Variants in BCR observed in about 807,000 individuals in gnomAD.
The protein encoded by BCR is breakpoint cluster region protein.
A neutral mutation model predicts 138.6 loss-of-function variants in BCR; 58 were observed. The ratio of observed to expected loss-of-function variants is 0.42; its 90% CI spans 0.34 to 0.52. BCR has a LOEUF of 0.52. Among genes scored for constraint, BCR ranks in the 20% least tolerant of loss-of-function variants. BCR has a pLI of 0.06. For synonymous variants in BCR, 786 were observed against 730.1 expected, an observed-to-expected ratio of 1.08 and a Z score of -1.23; for missense variants, 1,599 against 1,727.2, an observed-to-expected ratio of 0.93 and a Z score of 1.32.
At chr22:23,292,211 G>A (rs2073795801) in intron 14 of BCR, among the ~76,000 whole-genome samples, 1 of 152,174 alleles carries the variant, frequency 6.6e-6, no homozygotes, top group African/African-American at 2.4e-5. Context: ...ACAATGGCGT[G>A]TACACCTCTC....
Position 23,204,544 on chromosome 22 carries a change from G to T in BCR, c.1279+22305G>T, listed in dbSNP as rs139348096. On this transcript the variant is annotated intron_variant, in intron 1 of 22. Coordinates refer to ENST00000305877, the MANE Select transcript of BCR (RefSeq NM_004327.4). ...AATCCCTCTTGGTGGATGTCCCAAAGCAGCCTTCCTGTAGGATCCTGGTTG... is the reference window on the plus strand; with the variant it reads ...AATCCCTCTTGGTGGATGTCCCAAATCAGCCTTCCTGTAGGATCCTGGTTG... 3.7e-3 allele frequency among the ~76,000 whole-genome samples: 558 copies of T among 152,324 alleles called. 7 individuals are homozygous for T. The highest frequency in any genetic ancestry group is 0.013 in the African/African-American group (529 of 41,574).
chr22:23,246,526 C>T (rs1047758107), intron 1 of BCR, among the ~76,000 whole-genome samples: 2 of 152,074 alleles, frequency 1.3e-5, no homozygotes, highest in South Asian at 2.1e-4. Context: ...GTTGCTAAGT[C>T]GTAAGGTTAT....
At chr22:23,242,773 C>T (rs2073108290) in intron 1 of BCR, 1 of 430,600 alleles carries the variant, frequency 2.3e-6, no homozygotes, top group Non-Finnish European at 4.7e-6. Flanking sequence ...AACAGAATGC[C>T]ACAAGCTTAG....
chr22:23,296,612 C>T (rs1428496018), intron 16 of BCR, among the ~76,000 whole-genome samples: 1 of 152,160 alleles, frequency 6.6e-6, no homozygotes, highest in African/African-American at 2.4e-5. Flanking sequence ...AACTCAGTGG[C>T]TCAGAGCCTC....
At chr22:23,221,945 G>C (rs969908762) in intron 1 of BCR, among the ~76,000 whole-genome samples, 35 of 151,808 alleles carry the variant, frequency 2.3e-4, no homozygotes, top group Non-Finnish European at 1.8e-4. Flanking sequence ...CAAAAAATTA[G>C]CTGGGCGTGG....
intron 1 of BCR, among the ~76,000 whole-genome samples, chr22:23,224,881 C>G (rs1046307917): frequency 7.9e-5 from 12 of 152,028 alleles, no homozygotes; most frequent in African/African-American, 2.9e-4. Context: ...GACTCCATCC[C>G]CCCCAAAAAA....
chr22:23,277,659 G>A (rs1015086953), intron 8 of BCR, among the ~76,000 whole-genome samples: 10 of 152,148 alleles, frequency 6.6e-5, no homozygotes, highest in Admixed American at 5.9e-4. Flanking sequence ...CCTGGGAGGT[G>A]GCCCATTGCT....
At chr22:23,277,733 C>T (rs2073595385) in intron 8 of BCR, among the ~76,000 whole-genome samples, 1 of 152,192 alleles carries the variant, frequency 6.6e-6, no homozygotes. Context: ...TCTGCAGGGT[C>T]AGCCACCCCA....
rs148680394 is a variant in BCR at position 23,301,108 on chromosome 22, G to A, written c.3012+5953G>A. ...CATTTGACATCAGGAGTTCAAGACC[G>A]GCCTGACCAACATGGTGAAACCCCG... On this transcript the variant is annotated intron_variant, in intron 16 of 22. Coordinates refer to ENST00000305877, the MANE Select transcript of BCR (RefSeq NM_004327.4). Among the ~76,000 whole-genome samples, 1,190 of 152,252 alleles carry A rather than the reference G, an allele frequency of 7.8e-3. 18 individuals carry two copies. Among genetic ancestry groups the A allele is most frequent in the African/African-American group, 0.027 (1,123 of 41,534 alleles).
chr22:23,301,421 G>A (rs1164327767), intron 16 of BCR, among the ~76,000 whole-genome samples: 2 of 152,268 alleles, frequency 1.3e-5, no homozygotes, highest in Non-Finnish European at 1.5e-5. Context: ...CACTGGGACT[G>A]TGTCTCAGGG....
intron 8 of BCR, 48 bp from the exon 9 acceptor site, chr22:23,283,929 C>A (rs763747418): frequency 6.6e-7 from 1 of 1,524,130 alleles, no homozygotes; most frequent in Non-Finnish European, 8.8e-7. Context: ...ACACCCCCCA[C>A]CCATCACCCC....
chr22:23,215,289 G>A (rs992289694), intron 1 of BCR, among the ~76,000 whole-genome samples: 1 of 152,164 alleles, frequency 6.6e-6, no homozygotes, highest in Non-Finnish European at 1.5e-5. Flanking sequence ...CTGTGAACAC[G>A]GGTATACATG....
At chr22:23,280,778 A>G (rs1286146484) in intron 8 of BCR, among the ~76,000 whole-genome samples, 1 of 152,188 alleles carries the variant, frequency 6.6e-6, no homozygotes, top group East Asian at 1.9e-4. Context: ...GTTTCTTCCA[A>G]CTGGTGTTTC....
rs2073353650 is a variant in BCR, at chr22:23,261,338, CT to C, written c.1567-15del. 6.2e-7 allele frequency: 1 copy of C among 1,607,650 alleles called. No homozygotes were observed. Among genetic ancestry groups the C allele is most frequent in the Non-Finnish European group, 8.5e-7 (1 of 1,176,292 alleles). The stretch of plus-strand genomic sequence containing the variant: ...AGCCCCTCTCACCTGTGCTACCTCA[CT>C]TGTGCCCTCTTCCAGCCCATGAAGC... On this transcript the variant is annotated splice_polypyrimidine_tract_variant and intron_variant, in intron 3 of 22. Transcript: ENST00000305877.
intron 16 of BCR, among the ~76,000 whole-genome samples, chr22:23,295,807 A>C (rs1324033101): frequency 6.6e-6 from 1 of 152,130 alleles, no homozygotes; most frequent in Non-Finnish European, 1.5e-5. Context: ...GGTTTCCTGG[A>C]GGATCATAGC....
intron 16 of BCR, chr22:23,306,623 CCACA>C (rs1248620993): frequency 6.6e-6 from 1 of 152,202 alleles, no homozygotes; most frequent in Non-Finnish European, 1.5e-5. Flanking sequence ...GGTGTTCTTC[CCACA>C]CACACACAAA....
intron 8 of BCR, among the ~76,000 whole-genome samples, chr22:23,280,616 C>T (rs2073632724): frequency 6.6e-6 from 1 of 152,194 alleles, no homozygotes; most frequent in Non-Finnish European, 1.5e-5. Context: ...AACAGAGGCT[C>T]CAAGAAATGG....
At chr22:23,298,779 G>C (rs1274206672) in intron 16 of BCR, among the ~76,000 whole-genome samples, 2 of 151,980 alleles carry the variant, frequency 1.3e-5, no homozygotes, top group East Asian at 1.9e-4. Flanking sequence ...TGTATTTTTA[G>C]TAGAGACGGG....
intron 16 of BCR, chr22:23,306,085 CTG>C (rs1451478324): frequency 6.6e-6 from 1 of 152,276 alleles, no homozygotes; most frequent in African/African-American, 2.4e-5. Context: ...GGCGCACACT[CTG>C]TTCTTTGGAA....
Sources: allele counts gnomAD v4.1 joint callset (sites outside exome capture counted in the v4.1 genomes callset), GRCh38; gene constraint gnomAD v4.1.1; transcripts MANE v1.5; gene names NCBI Gene and HGNC (gene_info 2026-07-23, HGNC 2026-07-21).